Variants in CTNNA2 observed in about 807,000 individuals in gnomAD.
CTNNA2 encodes the protein catenin alpha-2.
Under a neutral mutation model 101.0 loss-of-function variants are expected in CTNNA2, and 42 were observed. The ratio of observed to expected loss-of-function variants is 0.42; its 90% CI spans 0.32 to 0.54. The LOEUF (loss-of-function observed/expected upper bound fraction) is 0.54, where lower values mean the gene tolerates loss of function less well. CTNNA2 is among the 20% of genes least tolerant of loss of function. CTNNA2 has a pLI of 0.14. For synonymous variants in CTNNA2, 450 were observed against 456.4 expected (o/e 0.99, Z 0.18); for missense variants, 871 against 1,223.1 (o/e 0.71, Z 4.29).
At chr2:79,506,295 T>C (rs1192440567) in intron 5 of CTNNA2, among the ~76,000 whole-genome samples, 3 of 151,824 alleles carry the variant, frequency 2.0e-5, no homozygotes, top group Admixed American at 1.3e-4. Flanking sequence ...TTGCAAAGTA[T>C]ATTGGTGCAT....
intron 1 of CTNNA2, among the ~76,000 whole-genome samples, chr2:79,546,171 A>G (rs1344118562): frequency 6.6e-6 from 1 of 152,166 alleles, no homozygotes; most frequent in African/African-American, 2.4e-5. Flanking sequence ...TCATGTGAGC[A>G]GAGTTGCTAT....
intron 1 of CTNNA2, among the ~76,000 whole-genome samples, chr2:79,581,393 T>C (rs924518248): frequency 2.0e-5 from 3 of 151,978 alleles, no homozygotes; most frequent in Non-Finnish European, 2.9e-5. Flanking sequence ...GGCATGGTGG[T>C]GGATGCCTGT....
At chr2:79,337,145 T>C (rs1164789603) in intron 3 of CTNNA2, among the ~76,000 whole-genome samples, 1 of 152,184 alleles carries the variant, frequency 6.6e-6, no homozygotes, top group Non-Finnish European at 1.5e-5. Context: ...TTCTTTGAAA[T>C]TTCCCTCTCA....
chr2:80,558,478 GTGTGTGTGTA>G (rs1219899804), intron 12 of CTNNA2, among the ~76,000 whole-genome samples: 13 of 121,668 alleles, frequency 1.1e-4, no homozygotes, highest in East Asian at 9.2e-4. Flanking sequence ...GTGTGTGTGT[GTGTGTGTGTA>G]TATATATATG....
intron 7 of CTNNA2, among the ~76,000 whole-genome samples, chr2:80,226,469 G>C (rs1480877468): frequency 6.6e-6 from 1 of 152,224 alleles, no homozygotes; most frequent in African/African-American, 2.4e-5. Flanking sequence ...AGGTGACTTA[G>C]AGTGTCACTG....
intron 6 of CTNNA2, among the ~76,000 whole-genome samples, chr2:79,892,557 G>A (rs1333914592): frequency 1.3e-5 from 2 of 151,968 alleles, no homozygotes; most frequent in Admixed American, 6.6e-5. Flanking sequence ...TTCCAATTAG[G>A]TCAGTGTAAA....
intron 18 of CTNNA2, among the ~76,000 whole-genome samples, chr2:80,640,287 T>G (rs1033502466): frequency 6.6e-6 from 1 of 152,150 alleles, no homozygotes; most frequent in African/African-American, 2.4e-5. Context: ...ATAAGTTTCC[T>G]TTCCCACACT....
chr2:80,105,126 A>G (rs894238365), intron 7 of CTNNA2, among the ~76,000 whole-genome samples: 2 of 152,348 alleles, frequency 1.3e-5, no homozygotes, highest in Middle Eastern at 3.4e-3. Context: ...AAATAATTTC[A>G]GTCAGTTCCT....
At chr2:80,027,438 T>G (rs1014383240) in intron 7 of CTNNA2, among the ~76,000 whole-genome samples, 6 of 152,228 alleles carry the variant, frequency 3.9e-5, no homozygotes, top group Non-Finnish European at 7.3e-5. Flanking sequence ...CAGAAAGCTT[T>G]CAACAGGGAA....
At chr2:79,777,205 G>A (rs1266101269) in intron 3 of CTNNA2, 1 of 152,034 alleles carries the variant, frequency 6.6e-6, no homozygotes. Context: ...TATACAGCTG[G>A]TCCTCATGGG....
At chr2:80,141,548 C>A (rs1225657088) in intron 7 of CTNNA2, among the ~76,000 whole-genome samples, 3 of 152,036 alleles carry the variant, frequency 2.0e-5, no homozygotes, top group African/African-American at 7.2e-5. Context: ...CCTCATCTTA[C>A]AGAAAGAGCA....
At chr2:79,874,472 A>G (rs1223065635) in intron 6 of CTNNA2, 130 bp downstream of exon 6, 3 of 1,062,890 alleles carry the variant, frequency 2.8e-6, no homozygotes, top group Non-Finnish European at 2.7e-6. Flanking sequence ...TAATAGTAAG[A>G]TAAACTACAT....
intron 12 of CTNNA2, among the ~76,000 whole-genome samples, chr2:80,573,926 T>C (rs1694817806): frequency 6.6e-6 from 1 of 152,128 alleles, no homozygotes; most frequent in Non-Finnish European, 1.5e-5. Flanking sequence ...TTAAAAACTT[T>C]GTCTTTTGCA....
At chr2:79,986,117 T>G (rs995420182) in intron 7 of CTNNA2, among the ~76,000 whole-genome samples, 12 of 152,340 alleles carry the variant, frequency 7.9e-5, no homozygotes, top group African/African-American at 2.9e-4. Flanking sequence ...AACAACTAAC[T>G]TTAATTTACC....
At chr2:79,923,412 G>A (rs1686804768) in intron 7 of CTNNA2, among the ~76,000 whole-genome samples, 1 of 151,552 alleles carries the variant, frequency 6.6e-6, no homozygotes, top group Admixed American at 6.6e-5. Context: ...GCAATTTTGA[G>A]TAGGAGAGAA....
At chr2:80,166,025 TG>T (rs1373034600) in intron 7 of CTNNA2, among the ~76,000 whole-genome samples, 1 of 152,176 alleles carries the variant, frequency 6.6e-6, no homozygotes, top group African/African-American at 2.4e-5. Context: ...TTCCCTTTTA[TG>T]ATCCTTTGGT....
At chr2:80,102,496 T>C (rs1320456987) in intron 7 of CTNNA2, among the ~76,000 whole-genome samples, 3 of 152,136 alleles carry the variant, frequency 2.0e-5, no homozygotes. Context: ...ATCCACTAAA[T>C]TTGTTTATTT....
intron 9 of CTNNA2, among the ~76,000 whole-genome samples, chr2:80,532,573 T>C (rs1690635844): frequency 6.6e-6 from 1 of 152,214 alleles, no homozygotes; most frequent in African/African-American, 2.4e-5. Context: ...ATTGTCAATC[T>C]CTTACTGTTC....
intron 1 of CTNNA2, among the ~76,000 whole-genome samples, chr2:79,599,139 C>A (rs766903202): frequency 1.3e-5 from 2 of 152,036 alleles, no homozygotes; most frequent in African/African-American, 4.8e-5. Flanking sequence ...CTGGGATCTC[C>A]GTCCTGTTCT....
Sources: allele counts gnomAD v4.1 joint callset (sites outside exome capture counted in the v4.1 genomes callset), GRCh38; gene constraint gnomAD v4.1.1; transcripts MANE v1.5; gene names NCBI Gene and HGNC (gene_info 2026-07-23, HGNC 2026-07-21).